USP14: variants seen among roughly 807,000 people sequenced by gnomAD.
USP14 encodes the protein ubiquitin specific peptidase 14.
In USP14, 38 loss-of-function variants were observed where a neutral mutation model predicts 76.5. That is an observed-to-expected ratio of 0.50 (90% CI 0.38 to 0.65). The LOEUF (loss-of-function observed/expected upper bound fraction) is 0.65. Ranked by LOEUF, USP14 falls within the 30% of genes least tolerant of loss-of-function variation. The probability of loss-of-function intolerance (pLI) is 0.00; values close to 1 mark genes in which losing one functional copy is unlikely to be tolerated. For synonymous variants in USP14, 192 were observed against 191.7 expected (o/e 1.00, Z -0.01); for missense variants, 467 against 586.5 (o/e 0.80, Z 2.10).
chr18:188,141 G>T (rs928821177), intron 5 of USP14, among the ~76,000 whole-genome samples: 4 of 151,900 alleles, frequency 2.6e-5, no homozygotes, highest in Admixed American at 1.3e-4. Context: ...TCTTGGGTTT[G>T]GTGGAAATGT....
chr18:171,132 A>T (rs1240454653), intron 3 of USP14, among the ~76,000 whole-genome samples: 1 of 150,554 alleles, frequency 6.6e-6, no homozygotes, highest in Non-Finnish European at 1.5e-5. Context: ...TGCAAGGTGA[A>T]ACAGTAAGTG....
intron 1 of USP14, among the ~76,000 whole-genome samples, chr18:162,745 T>G (rs1441128380): frequency 1.3e-5 from 2 of 152,174 alleles, no homozygotes; most frequent in Non-Finnish European, 2.9e-5. Context: ...ACTTGGGAGT[T>G]TATTAACCAA....
chr18:165,574 T>C (rs1057336199), intron 2 of USP14, among the ~76,000 whole-genome samples: 2 of 152,238 alleles, frequency 1.3e-5, no homozygotes, highest in African/African-American at 4.8e-5. Context: ...GCTTTTATTA[T>C]ATTTTCTTTA....
chr18:209,209 G>A (rs1291222575), intron 13 of USP14, among the ~76,000 whole-genome samples: 1 of 151,618 alleles, frequency 6.6e-6, no homozygotes, highest in East Asian at 1.9e-4. Flanking sequence ...TCTTTGTATA[G>A]TTTTTTCAGT....
intron 10 of USP14, 80 bp downstream of exon 10, chr18:199,396 T>G: frequency 1.0e-6 from 1 of 976,282 alleles, no homozygotes; most frequent in Non-Finnish European, 1.6e-6. Context: ...TCACTGGGCT[T>G]TAATGGTCAT....
At chr18:204,091 G>T (rs150469328) in intron 12 of USP14, among the ~76,000 whole-genome samples, 148 of 151,822 alleles carry the variant, frequency 9.7e-4, no homozygotes, top group Middle Eastern at 6.8e-3. Flanking sequence ...GTATGAGAAG[G>T]TTAAATGTAG....
In USP14 at chr18:158,724, G is replaced by A. The variant is rs777267975; in HGVS notation, c.16+10G>A. ...ATGCCGCTCTACTCCGGTGAGCCCTGTCCTGGCCTCGCGCGCAGCACACCG... is the reference window on the plus strand; with the variant it reads ...ATGCCGCTCTACTCCGGTGAGCCCTATCCTGGCCTCGCGCGCAGCACACCG... On this transcript the variant is annotated intron_variant, in intron 1 of 15. Transcript: ENST00000261601. 95 of 1,511,896 alleles carry A rather than the reference G, an allele frequency of 6.3e-5. No homozygotes were observed. The highest frequency in any genetic ancestry group is 4.4e-5 in the Non-Finnish European group (50 of 1,139,148). The allele number at this position is 1,511,896 out of a possible 1,614,324, so 93.7% of individuals were successfully genotyped here.
chr18:186,026 G>T (rs1033106424), intron 5 of USP14, among the ~76,000 whole-genome samples: 1 of 151,886 alleles, frequency 6.6e-6, no homozygotes, highest in Non-Finnish European at 1.5e-5. Context: ...CTAAGTAACA[G>T]ATTTCAACTT....
Position 163,414 on chromosome 18 carries a change from T to G in USP14, c.123T>G (p.Pro41=). Residue 41 remains proline, a synonymous_variant, in exon 2 of 16, where the codon CCT becomes CCG. Coordinates refer to ENST00000261601, the MANE Select transcript of USP14 (RefSeq NM_005151.4). ...AQLFALTGVQ[P]ARQKVMVKGG... Reference sequence around the variant, plus strand: ...TGTTTGCGTTGACTGGAGTCCAGCCTGCCAGACAGAAAGTTATGGTGAAAG... The same window carrying G: ...TGTTTGCGTTGACTGGAGTCCAGCCGGCCAGACAGAAAGTTATGGTGAAAG... 6.2e-7 allele frequency: 1 copy of G among 1,613,790 alleles called. No homozygotes were observed.
chr18:164,343 A>G (rs142147003), intron 2 of USP14, among the ~76,000 whole-genome samples: 5 of 152,204 alleles, frequency 3.3e-5, no homozygotes, highest in African/African-American at 1.2e-4. Context: ...ATGCATTTGT[A>G]TGTTGAAATT....
intron 5 of USP14, among the ~76,000 whole-genome samples, chr18:181,014 A>G (rs1444422187): frequency 6.6e-6 from 1 of 151,720 alleles, no homozygotes; most frequent in African/African-American, 2.4e-5. Context: ...GTAACACCTC[A>G]TTCCTATTTT....
At chr18:210,100 C>T in intron 14 of USP14, 69 bp downstream of exon 14, 7 of 1,250,008 alleles carry the variant, frequency 5.6e-6, no homozygotes, top group Non-Finnish European at 5.7e-6. Flanking sequence ...TTACATCTTA[C>T]CCCATATTTA....
chr18:206,123 C>T (rs1910523129), intron 13 of USP14, among the ~76,000 whole-genome samples: 1 of 152,222 alleles, frequency 6.6e-6, no homozygotes, highest in Non-Finnish European at 1.5e-5. Flanking sequence ...TTTAGTTTTT[C>T]AGGAAACTGC....
At chr18:203,641 G>A (rs1243622648) in intron 12 of USP14, among the ~76,000 whole-genome samples, 7 of 151,272 alleles carry the variant, frequency 4.6e-5, no homozygotes, top group African/African-American at 1.5e-4. Context: ...ACGGAGTCTC[G>A]CTCTGTCACC....
chr18:210,134 C>G, intron 14 of USP14, 103 bp downstream of exon 14: 1 of 995,696 alleles, frequency 1.0e-6, no homozygotes, highest in Non-Finnish European at 1.5e-6. Context: ...GCTTTTCAAA[C>G]AAAATGTCAG....
At chr18:171,021 A>ATATATATAT (rs1555762320) in intron 3 of USP14, among the ~76,000 whole-genome samples, 18 of 84,528 alleles carry the variant, frequency 2.1e-4, no homozygotes, top group South Asian at 4.4e-4. Context: ...AAAAAAAAAA[A>ATATATATAT]AAAAATATAT....
Position 210,409 on chromosome 18 carries a change from T to C in USP14, c.1249T>C (p.Tyr417His). ...AGATATTGGCTCCAATAATTGTGGATACTATGACTTACAAGCAGTACTAAC... is the reference window on the plus strand; with the variant it reads ...AGATATTGGCTCCAATAATTGTGGACACTATGACTTACAAGCAGTACTAAC... ...ADDIGSNNCG[Y>H]YDLQAVLTHQ... The change falls in exon 15 of 16, where the codon TAC (tyrosine) becomes CAC (histidine). Residue 417 changes from tyrosine to histidine, a missense_variant. Tyr to His is a moderately conservative substitution (Grantham distance 83). Coordinates refer to ENST00000261601, the MANE Select transcript of USP14 (RefSeq NM_005151.4). The C allele has an allele frequency of 6.2e-7, 1 of 1,608,824 alleles. No homozygotes were observed.
intron 13 of USP14, among the ~76,000 whole-genome samples, chr18:207,816 A>G (rs985258982): frequency 6.6e-6 from 1 of 152,168 alleles, no homozygotes; most frequent in African/African-American, 2.4e-5. Context: ...ATTTATTCCT[A>G]AATAGTTTAT....
rs1910680139 is a variant in USP14 at position 211,913 on chromosome 18, T to G, written c.*629T>G. ...ATACATTTATTATTGTGTCTCTCTC[T>G]GATGTACTGTGGATTGTACATTTAA... On this transcript the variant is annotated 3_prime_UTR_variant, in exon 16 of 16. Coordinates refer to ENST00000261601, the MANE Select transcript of USP14 (RefSeq NM_005151.4). 6.6e-6 allele frequency: 1 copy of G among 151,082 alleles called. No individual in the cohort carries two copies. The highest frequency in any genetic ancestry group is 1.5e-5 in the Non-Finnish European group (1 of 67,564). 9.4% of individuals were successfully genotyped at this position (151,082 alleles called of 1,614,324 possible).
Sources: allele counts gnomAD v4.1 joint callset (sites outside exome capture counted in the v4.1 genomes callset), GRCh38; gene constraint gnomAD v4.1.1; transcripts MANE v1.5; gene names NCBI Gene and HGNC (gene_info 2026-07-23, HGNC 2026-07-21).